Variants in PRMT3 observed in about 807,000 individuals in gnomAD.
The protein encoded by PRMT3 is protein arginine methyltransferase 3.
A neutral mutation model predicts 71.9 loss-of-function variants in PRMT3; 62 were observed. The ratio of observed to expected loss-of-function variants is 0.86; its 90% CI spans 0.70 to 1.07. PRMT3 has a LOEUF of 1.07. Ranked by LOEUF, PRMT3 falls within the 50% of genes least tolerant of loss-of-function variation. The pLI, the probability that PRMT3 is intolerant of heterozygous loss-of-function variation, is 0.00. For missense variants in PRMT3, 663 were observed against 643.0 expected, an observed-to-expected ratio of 1.03 and a Z score of -0.34; for synonymous variants, 213 against 220.4, an observed-to-expected ratio of 0.97 and a Z score of 0.30.
At chr11:20,405,315 C>T (rs1046336897) in intron 8 of PRMT3, 1 of 152,002 alleles carries the variant, frequency 6.6e-6, no homozygotes, top group African/African-American at 2.4e-5. Context: ...AGTTAAAATT[C>T]ATTCAGTTTT....
intron 2 of PRMT3, among the ~76,000 whole-genome samples, chr11:20,389,486 T>C (rs1848665974): frequency 1.3e-5 from 2 of 152,316 alleles, no homozygotes; most frequent in South Asian, 4.1e-4. Flanking sequence ...ATCAGTGATA[T>C]TATTTGACAA....
At chr11:20,448,734 C>T (rs1368109841) in intron 10 of PRMT3, among the ~76,000 whole-genome samples, 2 of 152,132 alleles carry the variant, frequency 1.3e-5, no homozygotes, top group African/African-American at 2.4e-5. Flanking sequence ...AGACAAGATT[C>T]CCACTTCAAT....
intron 7 of PRMT3, among the ~76,000 whole-genome samples, chr11:20,398,146 C>T (rs2133306354): frequency 6.6e-6 from 1 of 151,970 alleles, no homozygotes; most frequent in Non-Finnish European, 1.5e-5. Context: ...TTCTCAAGGG[C>T]AGCTATTAAA....
At chr11:20,394,949 G>A (rs1176194430) in intron 5 of PRMT3, among the ~76,000 whole-genome samples, 1 of 152,120 alleles carries the variant, frequency 6.6e-6, no homozygotes, top group Non-Finnish European at 1.5e-5. Context: ...TAAGGACATG[G>A]GCTAGGAGGT....
chr11:20,469,996 G>A (rs886245087), intron 13 of PRMT3, among the ~76,000 whole-genome samples: 11 of 151,998 alleles, frequency 7.2e-5, no homozygotes, highest in African/African-American at 2.4e-4. Flanking sequence ...CTTAATGAGG[G>A]GGATATATGT....
At chr11:20,468,614 C>A (rs1030910047) in intron 13 of PRMT3, among the ~76,000 whole-genome samples, 6 of 152,136 alleles carry the variant, frequency 3.9e-5, no homozygotes, top group Non-Finnish European at 7.4e-5. Context: ...GATGATTTGC[C>A]TGCCTCAGCC....
intron 9 of PRMT3, among the ~76,000 whole-genome samples, chr11:20,415,576 T>C (rs1382136718): frequency 7.2e-6 from 1 of 138,762 alleles, no homozygotes; most frequent in Non-Finnish European, 1.6e-5. Context: ...CTCCCCAGCT[T>C]CATACCTCAG....
chr11:20,401,599 T>C (rs879942829), intron 7 of PRMT3, among the ~76,000 whole-genome samples: 7 of 152,128 alleles, frequency 4.6e-5, no homozygotes, highest in Non-Finnish European at 8.8e-5. Context: ...TGTATAAAAT[T>C]TTGATATTGT....
intron 13 of PRMT3, among the ~76,000 whole-genome samples, chr11:20,488,563 G>A (rs1851134359): frequency 6.6e-6 from 1 of 152,106 alleles, no homozygotes; most frequent in Admixed American, 6.5e-5. Context: ...TACTTCTGTG[G>A]CCAGCTGCCT....
intron 13 of PRMT3, among the ~76,000 whole-genome samples, chr11:20,484,004 G>C (rs1565233484): frequency 6.6e-6 from 1 of 152,212 alleles, no homozygotes. Context: ...TTTACCAAAG[G>C]TTGGGACAGG....
chr11:20,408,293 G>T (rs1333190848), intron 9 of PRMT3, among the ~76,000 whole-genome samples: 1 of 151,844 alleles, frequency 6.6e-6, no homozygotes, highest in East Asian at 1.9e-4. Flanking sequence ...CTATAAATAT[G>T]CCAATTCTAA....
chr11:20,504,378 C>G (rs904113503), intron 15 of PRMT3, among the ~76,000 whole-genome samples: 8 of 152,118 alleles, frequency 5.3e-5, no homozygotes, highest in African/African-American at 1.9e-4. Context: ...GCCTTTAAGA[C>G]AGTCTTTATA....
At chr11:20,404,229 T>G (rs796973251) in intron 8 of PRMT3, among the ~76,000 whole-genome samples, 94 of 104,516 alleles carry the variant, frequency 9.0e-4, no homozygotes, top group East Asian at 1.6e-3. Flanking sequence ...TTTTTTTTTT[T>G]TTTTTTTTTT....
chr11:20,477,215 G>A (rs1046063625), intron 13 of PRMT3, among the ~76,000 whole-genome samples: 4 of 152,184 alleles, frequency 2.6e-5, no homozygotes. Context: ...GTGCATTGGA[G>A]GGAAAAGGTC....
chr11:20,474,600 C>T (rs566890499), intron 13 of PRMT3, among the ~76,000 whole-genome samples: 53 of 152,304 alleles, frequency 3.5e-4, no homozygotes, highest in African/African-American at 1.3e-3. Flanking sequence ...AAGGGATCTC[C>T]TAGGTGCAAA....
At chr11:20,404,033 T>G (rs989964442) in intron 8 of PRMT3, among the ~76,000 whole-genome samples, 9 of 152,238 alleles carry the variant, frequency 5.9e-5, no homozygotes, top group African/African-American at 2.2e-4. Flanking sequence ...GTAATTTATA[T>G]GGTGCTCTGA....
intron 15 of PRMT3, among the ~76,000 whole-genome samples, chr11:20,504,601 T>A (rs1463092488): frequency 6.6e-6 from 1 of 152,098 alleles, no homozygotes; most frequent in African/African-American, 2.4e-5. Flanking sequence ...AGAGAGTGGG[T>A]CTCTCCATTT....
intron 6 of PRMT3, among the ~76,000 whole-genome samples, chr11:20,396,878 C>A (rs1344162689): frequency 1.3e-5 from 2 of 152,190 alleles, no homozygotes; most frequent in South Asian, 4.1e-4. Flanking sequence ...ACAGGCCTTC[C>A]TGTTGGATTT....
chr11:20,421,118 A>C (rs142437399), intron 9 of PRMT3, among the ~76,000 whole-genome samples: 4 of 152,232 alleles, frequency 2.6e-5, no homozygotes, highest in African/African-American at 9.6e-5. Context: ...GTCTCACTGC[A>C]GCCTTGACCT....
Sources: allele counts gnomAD v4.1 joint callset (sites outside exome capture counted in the v4.1 genomes callset), GRCh38; gene constraint gnomAD v4.1.1; transcripts MANE v1.5; gene names NCBI Gene and HGNC (gene_info 2026-07-23, HGNC 2026-07-21).